Variants in TTI2 observed in about 807,000 individuals in gnomAD.
TTI2 encodes TELO2-interacting protein 2.
In TTI2, 26 loss-of-function variants were observed where a neutral mutation model predicts 44.9. The ratio of observed to expected loss-of-function variants is 0.58; its 90% CI spans 0.42 to 0.80. The LOEUF is 0.80. Ranked by LOEUF, TTI2 falls within the 30% of genes least tolerant of loss-of-function variation. The pLI is 0.00. For missense variants in TTI2, 582 were observed against 611.6 expected, an observed-to-expected ratio of 0.95 and a Z score of 0.51; for synonymous variants, 254 against 250.9, an observed-to-expected ratio of 1.01 and a Z score of -0.12.
chr8:33,506,389 C>CTT (rs10542848), intron 4 of TTI2, among the ~76,000 whole-genome samples: 7 of 106,908 alleles, frequency 6.5e-5, no homozygotes, highest in South Asian at 2.9e-4. Context: ...AAGTAACGTA[C>CTT]TTTTTTTTTT....
rs746801218 is a variant in TTI2, at chr8:33,507,319, T to A, written c.837A>T (p.Pro279=). Residue 279 remains proline (P), a splice_region_variant and synonymous_variant, in exon 4 of 8, where the codon CCA becomes CCT. Coordinates refer to ENST00000431156, the MANE Select transcript of TTI2 (RefSeq NM_001102401.4). ...TGTTATACTGGAGCAAATCAGCAGC[T>A]GGCTGCAACCAGACAAATCGTCAAA... The part of the protein sequence containing the change: ...HCLHHIVLNV[P]AADLLQYNRA... The A allele has an allele frequency of 1.2e-6, 2 of 1,614,122 alleles. No homozygotes were observed. The highest frequency in any genetic ancestry group is 1.1e-5 in the South Asian group (1 of 91,080).
rs961513839 is a variant in TTI2, at chr8:33,511,821, G to A, written c.647+146C>T. The A allele has an allele frequency of 1.5e-5, 13 of 877,672 alleles. No individual in the cohort carries two copies. In the South Asian group the frequency reaches 1.9e-4, roughly 13 times the overall value. 54.4% of individuals were successfully genotyped at this position (877,672 alleles called of 1,614,324 possible). A position where few individuals can be genotyped will look rare whatever the true frequency, so the allele number is the denominator to read the frequency against. ...GGAGAATCGCTTGAACCCAGGAGGC[G>A]GAGGTTGCAGTGAGCTGAGATCGCA... On this transcript the variant is annotated intron_variant, in intron 2 of 7. Coordinates refer to ENST00000431156, the MANE Select transcript of TTI2 (RefSeq NM_001102401.4).
intron 2 of TTI2, 139 bp from the exon 3 acceptor site, chr8:33,510,071 A>T: frequency 1.4e-6 from 1 of 699,190 alleles, no homozygotes; most frequent in Non-Finnish European, 2.4e-6. Flanking sequence ...ATAACTCTTG[A>T]TTCTATATCA....
At chr8:33,505,810 T>C (rs1488898379) in intron 4 of TTI2, among the ~76,000 whole-genome samples, 4 of 152,048 alleles carry the variant, frequency 2.6e-5, no homozygotes, top group Non-Finnish European at 5.9e-5. Context: ...CGTGCCACCA[T>C]GCCCGGCTAA....
chr8:33,499,382 T>C, intron 7 of TTI2, 105 bp from the exon 8 acceptor site: 1 of 829,836 alleles, frequency 1.2e-6, no homozygotes, highest in East Asian at 2.6e-5. Flanking sequence ...GAGGAAAGAA[T>C]GGATGACACT....
At position 33,512,045 on chromosome 8, in the gene TTI2, C is replaced by A. The variant is rs774668351; in HGVS notation, c.569G>T (p.Gly190Val). 1.2e-5 allele frequency: 19 copies of A among 1,614,068 alleles called. No individual in the cohort carries two copies. Among genetic ancestry groups the A allele is most frequent in the Admixed American group, 5.0e-5 (3 of 59,998 alleles). ...ATCTTCATTTTCTCCATGTAGGAAT[C>A]CTGCCACAGAACCGCATTCAGTAAC... ...LQVTECGSVA[G>V]FLHGENEDEK... The change falls in exon 2 of 8, where the codon GGA becomes GTA. Residue 190 changes from glycine (G) to valine (V), a missense_variant. By Grantham distance (109) the Gly-to-Val change is moderately radical. Transcript: ENST00000431156.
chr8:33,505,478 A>C (rs572654961), intron 4 of TTI2, among the ~76,000 whole-genome samples: 71 of 137,236 alleles, frequency 5.2e-4, no homozygotes, highest in Non-Finnish European at 9.1e-4. Flanking sequence ...CTTGAAAGCC[A>C]CTGCACCTTT....
chr8:33,502,300 A>C (rs960436487), intron 6 of TTI2, among the ~76,000 whole-genome samples: 1 of 152,152 alleles, frequency 6.6e-6, no homozygotes, highest in African/African-American at 2.4e-5. Context: ...GCTATGAAGT[A>C]CTCTATTCTC....
chr8:33,501,916 C>T (rs1809092960), intron 6 of TTI2, among the ~76,000 whole-genome samples: 1 of 152,080 alleles, frequency 6.6e-6, no homozygotes, highest in African/African-American at 2.4e-5. Context: ...GTATATCCTA[C>T]ATTAGTATGC....
intron 5 of TTI2, 66 bp downstream of exon 5, chr8:33,503,682 A>T: frequency 6.2e-7 from 1 of 1,606,032 alleles, no homozygotes; most frequent in South Asian, 1.1e-5. Context: ...GCTCGAGAGC[A>T]GCTCAAGCAA....
intron 4 of TTI2, among the ~76,000 whole-genome samples, chr8:33,506,828 G>A (rs1389765765): frequency 2.0e-5 from 3 of 152,020 alleles, no homozygotes; most frequent in Non-Finnish European, 4.4e-5. Flanking sequence ...GAGTAGTAGG[G>A]ACTACAGATG....
chr8:33,498,916 T>C lies in TTI2; in HGVS notation c.*257A>G. ...TGAATCTGGGATGAGATGACGGATG[T>C]AAATATTTCTAAATTTTAAATGCTA... is the stretch of plus-strand genomic sequence containing the variant. On this transcript the variant is annotated 3_prime_UTR_variant, in exon 8 of 8. Coordinates refer to ENST00000431156, the MANE Select transcript of TTI2 (RefSeq NM_001102401.4). The C allele has an allele frequency of 1.7e-6, 1 of 577,600 alleles. No individual in the cohort carries two copies. Among genetic ancestry groups the C allele is most frequent in the Admixed American group, 3.1e-5 (1 of 31,766 alleles). The allele number at this position is 577,600 out of a possible 1,614,324, so 35.8% of individuals were successfully genotyped here. A position where few individuals can be genotyped will look rare whatever the true frequency, so the allele number is the denominator to read the frequency against.
chr8:33,512,746 T>G (rs1322279308), intron 1 of TTI2, 34 bp from the exon 2 acceptor site: 4 of 1,047,648 alleles, frequency 3.8e-6, no homozygotes, highest in Non-Finnish European at 5.4e-6. Flanking sequence ...GAGAGATGTC[T>G]TGGAGGAGGG....
intron 6 of TTI2, 22 bp from the exon 7 acceptor site, chr8:33,500,512 A>G (rs1414964769): frequency 6.2e-7 from 1 of 1,613,462 alleles, no homozygotes; most frequent in East Asian, 2.2e-5. Context: ...AAGAAAAGCT[A>G]TGTTCATACT....
chr8:33,500,117 C>G, intron 7 of TTI2: 1 of 542,814 alleles, frequency 1.8e-6, no homozygotes, highest in Non-Finnish European at 3.3e-6. Context: ...ATCCTCCTGC[C>G]TTTAGTTCTA....
In TTI2 at chr8:33,498,832, T is replaced by A. The variant is rs1023945275; in HGVS notation, c.*341A>T. 1.6e-6 allele frequency: 1 copy of A among 609,832 alleles called. No individual in the cohort carries two copies. Among genetic ancestry groups the A allele is most frequent in the African/African-American group, 1.8e-5 (1 of 54,112 alleles). The allele number at this position is 609,832 out of a possible 1,614,324, so 37.8% of individuals were successfully genotyped here. ...AAGCTAAGTTGTGAACAAGAGTGTTTTTATAGCATATGTGTTGAAGTAACA... is the reference window on the plus strand; with the variant it reads ...AAGCTAAGTTGTGAACAAGAGTGTTATTATAGCATATGTGTTGAAGTAACA... On this transcript the variant is annotated 3_prime_UTR_variant, in exon 8 of 8. Transcript: ENST00000431156.
Position 33,509,741 on chromosome 8 carries a change from C to T in TTI2, c.834+5G>A. The T allele has an allele frequency of 2.5e-6, 4 of 1,613,878 alleles. No individual in the cohort carries two copies. The highest frequency in any genetic ancestry group is 2.5e-6 in the Non-Finnish European group (3 of 1,179,834). The stretch of plus-strand genomic sequence containing the variant: ...AACACAGATGACAAGCCAGAGGTTG[C>T]TTACCACATTAAGCACAATGTGATG... On this transcript the variant is annotated splice_donor_5th_base_variant and intron_variant, in intron 3 of 7. Transcript: ENST00000431156.
intron 2 of TTI2, among the ~76,000 whole-genome samples, chr8:33,510,349 A>G (rs1201519339): frequency 6.6e-6 from 1 of 152,212 alleles, no homozygotes. Flanking sequence ...CGACTTAACT[A>G]ATTCTCAAAA....
At chr8:33,508,706 C>T (rs1485072734) in intron 3 of TTI2, among the ~76,000 whole-genome samples, 2 of 150,140 alleles carry the variant, frequency 1.3e-5, no homozygotes, top group Non-Finnish European at 2.9e-5. Flanking sequence ...ATTAATTATA[C>T]CACTCTCTCT....
Sources: allele counts gnomAD v4.1 joint callset (sites outside exome capture counted in the v4.1 genomes callset), GRCh38; gene constraint gnomAD v4.1.1; transcripts MANE v1.5; gene names NCBI Gene and HGNC (gene_info 2026-07-23, HGNC 2026-07-21).